The following PACRG variants were observed in gnomAD, a reference collection of about 807,000 sequenced individuals.
The protein encoded by PACRG is parkin coregulated, also known as parkin coregulated gene protein.
Under a neutral mutation model 29.7 loss-of-function variants are expected in PACRG, and 29 were observed. The ratio of observed to expected loss-of-function variants is 0.98; its 90% confidence interval spans 0.73 to 1.33. The LOEUF (loss-of-function observed/expected upper bound fraction) is 1.33, where lower values mean the gene tolerates loss of function less well. PACRG is among the 40% of genes most tolerant of loss of function. The probability of loss-of-function intolerance (pLI) is 0.00; values close to 1 mark genes in which losing one functional copy is unlikely to be tolerated. For synonymous variants in PACRG, 116 were observed against 118.7 expected, an observed-to-expected ratio of 0.98 and a Z score of 0.15; for missense variants, 279 against 316.2, an observed-to-expected ratio of 0.88 and a Z score of 0.89.
intron 4 of PACRG, among the ~76,000 whole-genome samples, chr6:163,222,128 A>G (rs1781606276): frequency 6.6e-6 from 1 of 152,234 alleles, no homozygotes; most frequent in Non-Finnish European, 1.5e-5. Context: ...AACTTTTATT[A>G]TAGATTACAG....
At chr6:162,946,368 A>G (rs1333663526) in intron 2 of PACRG, among the ~76,000 whole-genome samples, 1 of 152,142 alleles carries the variant, frequency 6.6e-6, no homozygotes, top group African/African-American at 2.4e-5. Flanking sequence ...GAACAATTAT[A>G]CACTTACAAA....
intron 4 of PACRG, among the ~76,000 whole-genome samples, chr6:163,094,340 G>A (rs993863129): frequency 2.6e-5 from 4 of 152,174 alleles, no homozygotes; most frequent in African/African-American, 9.7e-5. Flanking sequence ...GGTTAAATGT[G>A]TTAAATTTGA....
intron 2 of PACRG, among the ~76,000 whole-genome samples, chr6:163,049,611 CT>C (rs554612591): frequency 6.6e-6 from 1 of 151,890 alleles, no homozygotes; most frequent in Non-Finnish European, 1.5e-5. Context: ...AGGCCAATGC[CT>C]CAGTAGAGAA....
At chr6:163,052,823 C>G (rs374305462) in intron 2 of PACRG, among the ~76,000 whole-genome samples, 2 of 152,124 alleles carry the variant, frequency 1.3e-5, no homozygotes, top group African/African-American at 4.8e-5. Flanking sequence ...CAGGCTAGGT[C>G]AAGTTAGAAT....
chr6:163,115,582 A>G (rs1292593176), intron 4 of PACRG, among the ~76,000 whole-genome samples: 1 of 149,582 alleles, frequency 6.7e-6, no homozygotes, highest in Non-Finnish European at 1.5e-5. Flanking sequence ...GAGTGAGGAA[A>G]CAACAGGGCC....
At chr6:163,231,329 C>T (rs1782035484) in intron 4 of PACRG, among the ~76,000 whole-genome samples, 1 of 152,208 alleles carries the variant, frequency 6.6e-6, no homozygotes. Flanking sequence ...AACAAGAAAA[C>T]AGTAGTCTGT....
At chr6:163,289,609 T>C (rs2038091) in intron 4 of PACRG, among the ~76,000 whole-genome samples, 109,854 of 152,130 alleles carry the variant, frequency 0.72, 39,960 homozygotes, top group African/African-American at 0.81. Context: ...TAAATACCAG[T>C]CCCAGCCATC....
At chr6:162,982,301 A>G (rs1050410566) in intron 2 of PACRG, among the ~76,000 whole-genome samples, 5 of 151,708 alleles carry the variant, frequency 3.3e-5, no homozygotes, top group Non-Finnish European at 7.4e-5. Flanking sequence ...AATTTCATGT[A>G]GTTCTGCTGT....
chr6:162,816,484 C>T (rs969922091), intron 2 of PACRG, among the ~76,000 whole-genome samples: 1 of 152,164 alleles, frequency 6.6e-6, no homozygotes, highest in African/African-American at 2.4e-5. Flanking sequence ...TCCCGAGTAG[C>T]TGGGACTACA....
intron 2 of PACRG, among the ~76,000 whole-genome samples, chr6:162,947,632 A>ATG (rs1799328735): frequency 1.4e-5 from 1 of 71,910 alleles, no homozygotes; most frequent in Non-Finnish European, 2.6e-5. Context: ...ATATATATAT[A>ATG]TATATATATA....
intron 1 of PACRG, among the ~76,000 whole-genome samples, chr6:162,749,172 GTTGAC>G (rs770335977): frequency 6.6e-6 from 1 of 152,296 alleles, no homozygotes; most frequent in South Asian, 2.1e-4. Flanking sequence ...ACCACCTGCT[GTTGAC>G]TTGGGTGGTG....
intron 4 of PACRG, among the ~76,000 whole-genome samples, chr6:163,249,184 T>A (rs1782809901): frequency 2.0e-5 from 3 of 152,212 alleles, no homozygotes; most frequent in Admixed American, 2.0e-4. Flanking sequence ...GAAACAAGGA[T>A]GCACGCAAAG....
chr6:162,760,837 G>A (rs1782298588), intron 1 of PACRG, among the ~76,000 whole-genome samples: 1 of 152,158 alleles, frequency 6.6e-6, no homozygotes, highest in Non-Finnish European at 1.5e-5. Context: ...GTATACCATT[G>A]TGCTCTGTGG....
chr6:163,276,008 C>CTTCCTTCCTTCTTTCT (rs1554239015), intron 4 of PACRG, among the ~76,000 whole-genome samples: 1 of 140,576 alleles, frequency 7.1e-6, no homozygotes, highest in African/African-American at 2.8e-5. Context: ...TCCTTCCTTC[C>CTTCCTTCCTTCTTTCT]TTCTTTCTTT....
intron 1 of PACRG, among the ~76,000 whole-genome samples, chr6:162,773,165 G>A (rs1041264331): frequency 1.3e-5 from 2 of 152,092 alleles, no homozygotes; most frequent in Non-Finnish European, 2.9e-5. Context: ...TGCAAGGAAT[G>A]GTGCCACAGA....
chr6:163,194,396 C>G (rs1172387846), intron 4 of PACRG, among the ~76,000 whole-genome samples: 1 of 151,824 alleles, frequency 6.6e-6, no homozygotes, highest in African/African-American at 2.4e-5. Context: ...CTCCCTGTCA[C>G]CCTCCTTCCC....
At chr6:163,001,468 G>A (rs1411093017) in intron 2 of PACRG, among the ~76,000 whole-genome samples, 3 of 152,042 alleles carry the variant, frequency 2.0e-5, no homozygotes, top group East Asian at 3.9e-4. Context: ...AGTGGCAGCC[G>A]GTAAACAGAA....
upstream of PACRG, among the ~76,000 whole-genome samples, chr6:162,727,503 G>A (rs1779325321): frequency 6.6e-6 from 1 of 152,126 alleles, no homozygotes; most frequent in African/African-American, 2.4e-5. Context: ...GCGTCGCTGA[G>A]CTGGGGAGCC....
chr6:162,728,223 A>AT lies in PACRG; in HGVS notation c.-9dup. On this transcript the variant is annotated 5_prime_UTR_variant, in exon 1 of 5. Coordinates refer to ENST00000366888, the MANE Select transcript of PACRG (RefSeq NM_001080379.2). The stretch of plus-strand genomic sequence containing the variant: ...ACTACACTTTTTATGAGAACAAGAC[A>AT]TTTTCTAGGAAGATGGTGGCAGAAA... The AT allele has an allele frequency of 6.2e-7, 1 of 1,612,528 alleles. No homozygotes were observed. The highest frequency in any genetic ancestry group is 8.5e-7 in the Non-Finnish European group (1 of 1,179,396).
Sources: gnomAD v4.1 joint callset for allele counts (sites outside exome capture counted in the v4.1 genomes callset) on GRCh38, gnomAD v4.1.1 for gene constraint, MANE v1.5 for transcripts, NCBI Gene and HGNC (gene_info 2026-07-23, HGNC 2026-07-21) for gene names.